The following GPD2 variants were observed in gnomAD, a reference collection of about 807,000 sequenced individuals.
GPD2 encodes glycerol-3-phosphate dehydrogenase 2.
A neutral mutation model predicts 82.4 loss-of-function variants in GPD2; 54 were observed. That is an observed-to-expected ratio of 0.66 (90% CI 0.53 to 0.82). The LOEUF is 0.82. Ranked by LOEUF, GPD2 falls within the 40% of genes least tolerant of loss-of-function variation. The pLI is 0.00. For synonymous variants in GPD2, 288 were observed against 306.1 expected (o/e 0.94, Z 0.62); for missense variants, 748 against 896.2 (o/e 0.83, Z 2.11).
chr2:156,420,884 A>G, the GPD2 span, among the ~76,000 whole-genome samples: 2 of 152,254 alleles, frequency 1.3e-5, no homozygotes, highest in Non-Finnish European at 2.9e-5. Context: ...CATATTCACT[A>G]TAAAAGCAGT....
intron 1 of GPD2, among the ~76,000 whole-genome samples, chr2:156,436,932 G>A (rs1449796162): frequency 6.6e-6 from 1 of 152,152 alleles, no homozygotes; most frequent in Non-Finnish European, 1.5e-5. Flanking sequence ...AATGGAAGGT[G>A]CACACTGATA....
intron 1 of GPD2, among the ~76,000 whole-genome samples, chr2:156,462,453 A>ATTTTTTTT (rs35159143): frequency 1.0e-4 from 12 of 118,182 alleles, no homozygotes; most frequent in Non-Finnish European, 1.4e-4. Context: ...ACCCGGATAC[A>ATTTTTTTT]TTTTTTTTTT....
At chr2:156,539,489 G>A (rs1686220273) in intron 6 of GPD2, among the ~76,000 whole-genome samples, 1 of 152,156 alleles carries the variant, frequency 6.6e-6, no homozygotes, top group African/African-American at 2.4e-5. Context: ...AGGTCAGACT[G>A]ATTTGATAAC....
chr2:156,530,772 G>A (rs1001339296), intron 6 of GPD2, among the ~76,000 whole-genome samples: 1 of 152,146 alleles, frequency 6.6e-6, no homozygotes, highest in African/African-American at 2.4e-5. Context: ...TGCATCCCAG[G>A]GATGAAGCCC....
rs761710905 is a variant in GPD2 at position 156,578,946 on chromosome 2, T to A, written c.1825T>A (p.Ser609Thr). Residue 609 changes from serine (S) to threonine (T), a missense_variant, in exon 14 of 17, where the codon TCA becomes ACA. This residue lies in a region of GPD2 where 692 missense variants were observed against 809.7 expected (regional missense o/e 0.85). Coordinates refer to ENST00000438166, the MANE Select transcript of GPD2 (RefSeq NM_000408.5). ...LYYEMGYKSR[S>T]EQLTDRSEIS... Reference sequence around the variant, plus strand: ...TTATGAAATGGGCTATAAATCTCGATCAGAACAGTTAACAGATCGCTCTGA... The same window carrying A: ...TTATGAAATGGGCTATAAATCTCGAACAGAACAGTTAACAGATCGCTCTGA... The A allele has an allele frequency of 8.1e-6, 13 of 1,612,468 alleles. No homozygotes were observed. In the East Asian group the frequency reaches 2.7e-4, roughly 33 times the overall value.
At chr2:156,410,244 G>C in the GPD2 span, among the ~76,000 whole-genome samples, 2 of 152,088 alleles carry the variant, frequency 1.3e-5, no homozygotes, top group Non-Finnish European at 2.9e-5. Flanking sequence ...ACTACAGAAG[G>C]ATCTGAATGA....
At chr2:156,568,169 G>T (rs1013994247) in intron 9 of GPD2, among the ~76,000 whole-genome samples, 2 of 152,090 alleles carry the variant, frequency 1.3e-5, no homozygotes, top group Non-Finnish European at 2.9e-5. Flanking sequence ...ATTTGCCTTG[G>T]CCAGGTTTGT....
chr2:156,548,514 G>C (rs927498681), intron 6 of GPD2, among the ~76,000 whole-genome samples: 1 of 152,166 alleles, frequency 6.6e-6, no homozygotes, highest in Non-Finnish European at 1.5e-5. Flanking sequence ...GTGGGGAGGG[G>C]CAGCAGAATC....
chr2:156,549,385 A>G (rs1686666191), intron 6 of GPD2, among the ~76,000 whole-genome samples: 1 of 152,184 alleles, frequency 6.6e-6, no homozygotes, highest in Non-Finnish European at 1.5e-5. Context: ...GGATATTTTC[A>G]CTATTTTTAT....
chr2:156,473,375 G>T (rs550995380), intron 1 of GPD2, among the ~76,000 whole-genome samples: 1 of 152,290 alleles, frequency 6.6e-6, no homozygotes, highest in East Asian at 1.9e-4. Context: ...TATCAGGTAG[G>T]CAGGGAACAT....
intron 6 of GPD2, among the ~76,000 whole-genome samples, chr2:156,549,389 T>C (rs549260394): frequency 6.6e-6 from 1 of 152,192 alleles, no homozygotes; most frequent in Non-Finnish European, 1.5e-5. Context: ...ATTTTCACTA[T>C]TTTTATGGTA....
intron 2 of GPD2, among the ~76,000 whole-genome samples, chr2:156,493,513 A>G (rs1684258813): frequency 6.6e-6 from 1 of 151,986 alleles, no homozygotes; most frequent in Non-Finnish European, 1.5e-5. Flanking sequence ...TATAGGAGAA[A>G]CTGTTGTTAA....
chr2:156,434,001 G>GA (rs1299365952), upstream of GPD2, among the ~76,000 whole-genome samples: 1 of 151,848 alleles, frequency 6.6e-6, no homozygotes, highest in East Asian at 1.9e-4. Context: ...ATGAGGGTTT[G>GA]AAAAAAATGA....
chr2:156,425,049 A>G, the GPD2 span, among the ~76,000 whole-genome samples: 9 of 151,784 alleles, frequency 5.9e-5, no homozygotes, highest in South Asian at 2.1e-4. Flanking sequence ...TCATATTCAA[A>G]TTTCCCCATT....
At position 156,451,140 on chromosome 2, in the gene GPD2, G is replaced by A. The variant is rs1682548317; in HGVS notation, c.-9+14627G>A. 4.0e-5 allele frequency among the ~76,000 whole-genome samples: 6 copies of A among 150,304 alleles called. 1 individual carries two copies. In the South Asian group the frequency reaches 6.4e-4, roughly 16 times the overall value. ...TCCCCCCGTTCTATTCCACAAAACC[G>A]CCATTGTCATCATGGCCCGTTCTCA... On this transcript the variant is annotated intron_variant, in intron 1 of 16. Transcript: ENST00000438166.
chr2:156,505,628 T>C lies in GPD2; in HGVS notation c.275-5168T>C, dbSNP rs188829970. ...GAGGCCAGCCCTTCCCTGCCTGTAA[T>C]GTAAGGAGGTCACTCTTTCTACTTT... On this transcript the variant is annotated intron_variant, in intron 3 of 16. Transcript: ENST00000438166. Among the ~76,000 whole-genome samples the C allele has an allele frequency of 3.4e-4, 52 of 152,274 alleles. 1 individual carries two copies. The highest frequency in any genetic ancestry group is 2.4e-3 in the Admixed American group (37 of 15,294).
intron 1 of GPD2, among the ~76,000 whole-genome samples, chr2:156,467,997 G>A (rs553601823): frequency 6.6e-6 from 1 of 152,224 alleles, no homozygotes; most frequent in African/African-American, 2.4e-5. Flanking sequence ...AAAACTTGGG[G>A]AAAGAGTAGT....
the GPD2 span, among the ~76,000 whole-genome samples, chr2:156,410,526 A>G: frequency 1.3e-5 from 2 of 152,200 alleles, no homozygotes; most frequent in Non-Finnish European, 2.9e-5. Flanking sequence ...AATTTGCTCT[A>G]TTTAAAAAAG....
At chr2:156,467,776 C>T (rs1219978834) in intron 1 of GPD2, among the ~76,000 whole-genome samples, 1 of 152,182 alleles carries the variant, frequency 6.6e-6, no homozygotes, top group African/African-American at 2.4e-5. Context: ...TAGACCTCCT[C>T]TCTGTTTCCA....
Sources: allele counts gnomAD v4.1 joint callset (sites outside exome capture counted in the v4.1 genomes callset), GRCh38; gene constraint gnomAD v4.1.1; regional missense constraint gnomAD v4.1.1; transcripts MANE v1.5; gene names NCBI Gene and HGNC (gene_info 2026-07-23, HGNC 2026-07-21).